USP3: variants seen among roughly 807,000 people sequenced by gnomAD.
USP3 encodes the protein ubiquitin carboxyl-terminal hydrolase 3.
A neutral mutation model predicts 72.3 loss-of-function variants in USP3; 20 were observed. The ratio of observed to expected loss-of-function variants is 0.28; its 90% CI spans 0.19 to 0.40. USP3 has a LOEUF of 0.40. USP3 is among the 10% of genes least tolerant of loss of function. The pLI, the probability that USP3 is intolerant of heterozygous loss-of-function variation, is 1.00. For synonymous variants in USP3, 222 were observed against 225.3 expected, an observed-to-expected ratio of 0.99 and a Z score of 0.13; for missense variants, 479 against 633.9, an observed-to-expected ratio of 0.76 and a Z score of 2.62.
At chr15:63,513,914 CA>C (rs978547044) in intron 1 of USP3, among the ~76,000 whole-genome samples, 174 of 152,282 alleles carry the variant, frequency 1.1e-3, no homozygotes, top group African/African-American at 3.4e-3. Flanking sequence ...GTGGGAGCAA[CA>C]ATGGTACAAA....
chr15:63,509,226 C>T (rs905401441), intron 1 of USP3, among the ~76,000 whole-genome samples: 1 of 152,116 alleles, frequency 6.6e-6, no homozygotes, highest in Non-Finnish European at 1.5e-5. Context: ...AGGTCAAATG[C>T]TTTTACTGCT....
rs1445599073 is a variant in USP3 at position 63,591,095 on chromosome 15, CTTT to C, written c.*273_*275del. Reference sequence around the variant, plus strand: ...GTTGTAAGAACTTAGTCTTATTTGACTTTTTTATTTTATGTTAATGTTTTCAGT... The same window carrying C: ...GTTGTAAGAACTTAGTCTTATTTGACTTTATTTTATGTTAATGTTTTCAGT... On this transcript the variant is annotated 3_prime_UTR_variant, in exon 15 of 15. Coordinates refer to ENST00000380324, the MANE Select transcript of USP3 (RefSeq NM_006537.4). The C allele has an allele frequency of 1.5e-5, 5 of 329,544 alleles. No homozygotes were observed. The highest frequency in any genetic ancestry group is 4.3e-5 in the African/African-American group (2 of 46,442). 20.4% of individuals were successfully genotyped at this position (329,544 alleles called of 1,614,324 possible). A position where few individuals can be genotyped will look rare whatever the true frequency, so the allele number is the denominator to read the frequency against.
chr15:63,513,011 A>C (rs765429670), intron 1 of USP3, among the ~76,000 whole-genome samples: 29 of 152,238 alleles, frequency 1.9e-4, no homozygotes, highest in Non-Finnish European at 3.8e-4. Flanking sequence ...AGGTTATATC[A>C]AAGATATTGT....
chr15:63,512,709 C>G (rs1188566081), intron 1 of USP3, among the ~76,000 whole-genome samples: 2 of 152,196 alleles, frequency 1.3e-5, no homozygotes, highest in Non-Finnish European at 2.9e-5. Flanking sequence ...TCCCAAAATA[C>G]TGGGATTACA....
intron 1 of USP3, among the ~76,000 whole-genome samples, chr15:63,515,152 C>T (rs1283812742): frequency 6.6e-6 from 1 of 152,098 alleles, no homozygotes; most frequent in Non-Finnish European, 1.5e-5. Context: ...ATCCTTTCCC[C>T]TCGTTTAGAG....
intron 1 of USP3, among the ~76,000 whole-genome samples, chr15:63,522,639 T>G (rs2065935055): frequency 1.3e-5 from 2 of 152,198 alleles, no homozygotes; most frequent in Admixed American, 6.5e-5. Context: ...TTAAATCTGG[T>G]GTGATATGAA....
chr15:63,555,573 A>C (rs1330997034), intron 4 of USP3, among the ~76,000 whole-genome samples: 3 of 152,218 alleles, frequency 2.0e-5, no homozygotes, highest in African/African-American at 4.8e-5. Flanking sequence ...AAATTTAGTA[A>C]CTTACATTTT....
intron 3 of USP3, among the ~76,000 whole-genome samples, chr15:63,543,853 G>C (rs765861099): frequency 1.3e-5 from 2 of 152,030 alleles, no homozygotes; most frequent in Non-Finnish European, 2.9e-5. Context: ...GAAGATGATA[G>C]GAAGTATGAA....
chr15:63,512,059 T>C (rs1004713849), intron 1 of USP3, among the ~76,000 whole-genome samples: 1 of 149,080 alleles, frequency 6.7e-6, no homozygotes, highest in Non-Finnish European at 1.5e-5. Context: ...CGGGCTCAAG[T>C]AATTCTTTGC....
chr15:63,560,419 A>G (rs1054315375), intron 7 of USP3, among the ~76,000 whole-genome samples: 10 of 151,880 alleles, frequency 6.6e-5, no homozygotes, highest in Non-Finnish European at 1.5e-4. Flanking sequence ...CCATCTCAAA[A>G]AAAAAAAAAA....
At chr15:63,505,504 G>A (rs1264892677) in intron 1 of USP3, among the ~76,000 whole-genome samples, 1 of 152,250 alleles carries the variant, frequency 6.6e-6, no homozygotes, top group Non-Finnish European at 1.5e-5. Context: ...GCCAACAGCT[G>A]CTTTGGAGGG....
intron 1 of USP3, among the ~76,000 whole-genome samples, chr15:63,512,469 C>T (rs56672086): frequency 6.7e-6 from 1 of 148,372 alleles, no homozygotes; most frequent in East Asian, 2.0e-4. Context: ...TCTTCTTCTT[C>T]GGAATCTCAC....
intron 8 of USP3, among the ~76,000 whole-genome samples, chr15:63,563,840 A>G: frequency 6.6e-6 from 1 of 152,380 alleles, no homozygotes; most frequent in African/African-American, 2.4e-5. Flanking sequence ...TGTAGTTAAT[A>G]TAGATAAATA....
chr15:63,528,934 C>T lies in USP3; in HGVS notation c.92-3713C>T, dbSNP rs2066025415. ...TTAATTTGGATGAAGCATGTATAAA[C>T]AGAGTGAATATTCCCCAAAGCAATG... On this transcript the variant is annotated intron_variant, in intron 1 of 14. Coordinates refer to ENST00000380324, the MANE Select transcript of USP3 (RefSeq NM_006537.4). This position sits in a 1 kb window ranked among gnomAD's most constrained non-coding sequence, Gnocchi z 4.3. 2.7e-6 allele frequency: 3 copies of T among 1,115,266 alleles called. No homozygotes were observed. Among genetic ancestry groups the T allele is most frequent in the Admixed American group, 2.5e-5 (1 of 40,322 alleles). 69.1% of individuals were successfully genotyped at this position (1,115,266 alleles called of 1,614,324 possible). A position where few individuals can be genotyped will look rare whatever the true frequency, so the allele number is the denominator to read the frequency against.
chr15:63,544,842 C>A lies in USP3; in HGVS notation c.284+7686C>A. 1.5e-6 allele frequency: 1 copy of A among 654,122 alleles called. No individual in the cohort carries two copies. Among genetic ancestry groups the A allele is most frequent in the Non-Finnish European group, 2.8e-6 (1 of 363,206 alleles). 40.5% of individuals were successfully genotyped at this position (654,122 alleles called of 1,614,324 possible). A position where few individuals can be genotyped will look rare whatever the true frequency, so the allele number is the denominator to read the frequency against. On this transcript the variant is annotated intron_variant, in intron 3 of 14. Transcript: ENST00000380324. This position sits in a 1 kb window ranked among gnomAD's most constrained non-coding sequence, Gnocchi z 4.2. ...GGGGTAGGAGATAAGAATATCTAAG[C>A]AAGGCTGACATTGTGGGGACCATCA...
intron 9 of USP3, among the ~76,000 whole-genome samples, chr15:63,572,087 ATCATAAGAGCC>A (rs966814295): frequency 1.4e-4 from 21 of 152,336 alleles, no homozygotes; most frequent in African/African-American, 4.6e-4. Flanking sequence ...GGACCCTAGA[ATCATAAGAGCC>A]TATCCAATAA....
At chr15:63,579,145 A>G (rs1365438673) in intron 11 of USP3, among the ~76,000 whole-genome samples, 2 of 152,248 alleles carry the variant, frequency 1.3e-5, no homozygotes, top group African/African-American at 4.8e-5. Context: ...GGAATATGCA[A>G]TACTTTAATA....
At chr15:63,563,096 A>G in intron 8 of USP3, 88 bp downstream of exon 8, 1 of 893,572 alleles carries the variant, frequency 1.1e-6, no homozygotes, top group Non-Finnish European at 1.6e-6. Flanking sequence ...GTTGTATTCT[A>G]AATATTCTAA....
rs140863689 is a variant in USP3, at chr15:63,515,734, A to G, written c.91+10904A>G. ...TTTCATGAATTGTTATGTTACATCAATTTACCATATGAAGATTAATTCATG... is the reference window on the plus strand; with the variant it reads ...TTTCATGAATTGTTATGTTACATCAGTTTACCATATGAAGATTAATTCATG... On this transcript the variant is annotated intron_variant, in intron 1 of 14. Coordinates refer to ENST00000380324, the MANE Select transcript of USP3 (RefSeq NM_006537.4). Among the ~76,000 whole-genome samples the G allele has an allele frequency of 1.7e-3, 259 of 152,374 alleles. 3 individuals carry two copies. The East Asian group carries it at 0.022, about 13-fold the overall frequency.
Sources: gnomAD v4.1 joint callset for allele counts (sites outside exome capture counted in the v4.1 genomes callset) on GRCh38, gnomAD v4.1.1 for gene constraint, Gnocchi (gnomAD v3.1) non-coding constraint, MANE v1.5 for transcripts, NCBI Gene and HGNC (gene_info 2026-07-23, HGNC 2026-07-21) for gene names.